ARHGAP6: variants seen among roughly 807,000 people sequenced by gnomAD.
ARHGAP6 encodes Rho GTPase activating protein 6.
A neutral mutation model predicts 55.7 loss-of-function variants in ARHGAP6; 16 were observed. The observed-to-expected ratio is 0.29, with a 90% CI of 0.19 to 0.44. The LOEUF (loss-of-function observed/expected upper bound fraction) is 0.44. ARHGAP6 is among the 20% of genes least tolerant of loss of function. The pLI is 1.00. For synonymous variants in ARHGAP6, 382 were observed against 360.9 expected (o/e 1.06, Z -0.66); for missense variants, 698 against 808.9 (o/e 0.86, Z 1.66).
At chrX:11,187,924 G>A (rs960995230) in intron 4 of ARHGAP6, among the ~76,000 whole-genome samples, 3 of 111,829 alleles carry the variant, frequency 2.7e-5, no homozygotes, top group African/African-American at 6.5e-5. Flanking sequence ...CCCAGCTACC[G>A]GGGAGGTTGA....
In ARHGAP6 at chrX:11,273,305, A is replaced by G. The variant is rs1291989653; in HGVS notation, c.589-18598T>C. 3.6e-5 allele frequency among the ~76,000 whole-genome samples: 4 copies of G among 110,672 alleles called. No individual in the cohort carries two copies. The South Asian group carries it at 1.5e-3, about 42-fold the overall frequency. On this transcript the variant is annotated intron_variant, in intron 1 of 12. Transcript: ENST00000337414. ...ATCTGATTTTTAAAAATTATTAAAA[A>G]TTTTTATTTTAATGAGTCATTTTTC... is the stretch of plus-strand genomic sequence containing the variant.
At chrX:11,646,177 C>T (rs938135730) in intron 1 of ARHGAP6, among the ~76,000 whole-genome samples, 4 of 111,502 alleles carry the variant, frequency 3.6e-5, no homozygotes, top group Admixed American at 9.5e-5. Flanking sequence ...AAAACTCACT[C>T]GCTAACATGA....
At chrX:11,569,769 C>T (rs768815227) in intron 1 of ARHGAP6, among the ~76,000 whole-genome samples, 1 of 111,781 alleles carries the variant, frequency 8.9e-6, no homozygotes, top group Non-Finnish European at 1.9e-5. Flanking sequence ...CACACTTCTT[C>T]GCTCAAATAT....
chrX:11,641,365 A>C, intron 1 of ARHGAP6, among the ~76,000 whole-genome samples: 1 of 111,696 alleles, frequency 9.0e-6, no homozygotes, highest in Middle Eastern at 4.6e-3. Flanking sequence ...AATGGGAGAA[A>C]ATGTTTTCCA....
intron 1 of ARHGAP6, among the ~76,000 whole-genome samples, chrX:11,390,393 A>G (rs1037952014): frequency 3.6e-5 from 4 of 111,757 alleles, no homozygotes; most frequent in Non-Finnish European, 5.6e-5. Flanking sequence ...CATTCAGGAC[A>G]TAGGCATGGG....
intron 1 of ARHGAP6, among the ~76,000 whole-genome samples, chrX:11,480,196 A>C (rs1171806125): frequency 1.8e-5 from 2 of 112,159 alleles, no homozygotes; most frequent in African/African-American, 6.5e-5. Flanking sequence ...CTGAAAACAC[A>C]AATGACTTTC....
At chrX:11,421,773 T>C (rs2049826531) in intron 1 of ARHGAP6, among the ~76,000 whole-genome samples, 1 of 111,818 alleles carries the variant, frequency 8.9e-6, no homozygotes, top group African/African-American at 3.3e-5. Flanking sequence ...CCAGCTGATA[T>C]TGGAACCACC....
intron 8 of ARHGAP6, among the ~76,000 whole-genome samples, chrX:11,174,499 C>T (rs1464613972): frequency 6.5e-5 from 7 of 108,454 alleles, no homozygotes; most frequent in East Asian, 3.0e-4. Context: ...ATTCAAATCC[C>T]AAGGCCATTC....
In ARHGAP6 at chrX:11,640,991, T is replaced by G. The variant is rs777253485; in HGVS notation, c.588+23250A>C. On this transcript the variant is annotated intron_variant, in intron 1 of 12. Coordinates refer to ENST00000337414, the MANE Select transcript of ARHGAP6 (RefSeq NM_013427.3). ...AAGGCAGTTTTACATCACAAGCCTGTGTAAGTGACAGGGGCATGGGTGTTT... is the reference window on the plus strand; with the variant it reads ...AAGGCAGTTTTACATCACAAGCCTGGGTAAGTGACAGGGGCATGGGTGTTT... Among the ~76,000 whole-genome samples the G allele has an allele frequency of 1.9e-4, 21 of 111,444 alleles. 1 individual carries two copies. The highest frequency in any genetic ancestry group is 3.6e-4 in the Non-Finnish European group (19 of 52,976).
intron 1 of ARHGAP6, among the ~76,000 whole-genome samples, chrX:11,529,434 G>C: frequency 8.9e-6 from 1 of 112,028 alleles, no homozygotes; most frequent in Non-Finnish European, 1.9e-5. Flanking sequence ...TGAAACACAA[G>C]CCCAGTTTTA....
At chrX:11,404,538 A>G (rs925320202) in intron 1 of ARHGAP6, among the ~76,000 whole-genome samples, 1 of 111,971 alleles carries the variant, frequency 8.9e-6, no homozygotes, top group African/African-American at 3.2e-5. Context: ...CTGTCTGCCA[A>G]CAGGAACCAA....
At chrX:11,561,342 T>C (rs1323408158) in intron 1 of ARHGAP6, among the ~76,000 whole-genome samples, 1 of 112,384 alleles carries the variant, frequency 8.9e-6, no homozygotes, top group Non-Finnish European at 1.9e-5. Flanking sequence ...CAAGGTATGT[T>C]AAGTATAAGA....
At chrX:11,585,400 G>T (rs1033522303) in intron 1 of ARHGAP6, among the ~76,000 whole-genome samples, 1 of 112,466 alleles carries the variant, frequency 8.9e-6, no homozygotes, top group Admixed American at 9.4e-5. Context: ...CACCAGCAGT[G>T]TATAAGTGTT....
Position 11,498,936 on chromosome X carries a change from T to A in ARHGAP6, c.588+165305A>T, listed in dbSNP as rs764967712. On this transcript the variant is annotated intron_variant, in intron 1 of 12. Coordinates refer to ENST00000337414, the MANE Select transcript of ARHGAP6 (RefSeq NM_013427.3). ...TGCTTATTTGACATATAATTGTACA[T>A]ATTTATGAGGAGGCATTTTGGCATG... is the stretch of plus-strand genomic sequence containing the variant. Among the ~76,000 whole-genome samples the A allele has an allele frequency of 9.2e-4, 103 of 111,764 alleles. 1 individual carries two copies. Among genetic ancestry groups the A allele is most frequent in the Non-Finnish European group, 1.3e-3 (67 of 53,135 alleles).
At chrX:11,399,029 C>T (rs1664948416) in intron 1 of ARHGAP6, among the ~76,000 whole-genome samples, 2 of 111,884 alleles carry the variant, frequency 1.8e-5, no homozygotes, top group Non-Finnish European at 1.9e-5. Context: ...AGAAATATTG[C>T]TGGCATTGAT....
chrX:11,558,887 G>C (rs2051353600), intron 1 of ARHGAP6, among the ~76,000 whole-genome samples: 2 of 93,209 alleles, frequency 2.1e-5, no homozygotes, highest in South Asian at 1.1e-3. Context: ...ATTTTACGCA[G>C]TTGCATGAAG....
At chrX:11,282,311 A>G (rs1255141332) in intron 1 of ARHGAP6, among the ~76,000 whole-genome samples, 1 of 112,051 alleles carries the variant, frequency 8.9e-6, no homozygotes, top group Non-Finnish European at 1.9e-5. Flanking sequence ...CTGCAATGCA[A>G]TATTCCTGAA....
chrX:11,567,016 C>T (rs540640992), intron 1 of ARHGAP6, among the ~76,000 whole-genome samples: 148 of 112,181 alleles, frequency 1.3e-3, no homozygotes, highest in Middle Eastern at 4.6e-3. Context: ...CACATCATCA[C>T]AGACAAACAC....
At chrX:11,174,616 C>CTT (rs781633949) in intron 8 of ARHGAP6, among the ~76,000 whole-genome samples, 2,127 of 63,336 alleles carry the variant, frequency 0.034, 38 homozygotes, top group Middle Eastern at 0.058. Flanking sequence ...TTCTTTCTTT[C>CTT]TCTTTCTTTT....
Sources: gnomAD v4.1 joint callset for allele counts (sites outside exome capture counted in the v4.1 genomes callset) on GRCh38, gnomAD v4.1.1 for gene constraint, MANE v1.5 for transcripts, NCBI Gene and HGNC (gene_info 2026-07-23, HGNC 2026-07-21) for gene names.